Variants in TTLL7 observed in about 807,000 individuals in gnomAD.
TTLL7 encodes the protein tubulin tyrosine ligase like 7.
TTLL7 carries 53 observed loss-of-function variants against 120.2 expected under a neutral mutation model. The ratio of observed to expected loss-of-function variants is 0.44; its 90% CI spans 0.35 to 0.55. The LOEUF (loss-of-function observed/expected upper bound fraction) is 0.55. TTLL7 is among the 20% of genes least tolerant of loss of function. The probability of loss-of-function intolerance (pLI) is 0.00; values close to 1 mark genes in which losing one functional copy is unlikely to be tolerated. For missense variants in TTLL7, 803 were observed against 1,054.7 expected (o/e 0.76, Z 3.31); for synonymous variants, 353 against 351.7 (o/e 1.00, Z -0.04).
At chr1:83,968,162 C>T (rs1444216666) in intron 1 of TTLL7, among the ~76,000 whole-genome samples, 2 of 151,952 alleles carry the variant, frequency 1.3e-5, no homozygotes, top group Non-Finnish European at 2.9e-5. Flanking sequence ...CTTATAAAAA[C>T]AATAACAAAC....
At chr1:83,907,739 T>A (rs1430139173) in intron 15 of TTLL7, 78 bp from the exon 16 acceptor site, 2 of 1,294,744 alleles carry the variant, frequency 1.5e-6, no homozygotes, top group Admixed American at 4.1e-5. Context: ...CTATATAAAC[T>A]AAAGATTATA....
In TTLL7 at chr1:83,898,134, G is replaced by A. The variant is rs1377030864; in HGVS notation, c.2208+5945C>T. On this transcript the variant is annotated intron_variant, in intron 18 of 20. Transcript: ENST00000260505. Reference sequence around the variant, plus strand: ...TTGGATGCAGTTTCTAGCTTTATAAGACAATAGCACAAGTTTCTAACTGAT... The same window carrying A: ...TTGGATGCAGTTTCTAGCTTTATAAAACAATAGCACAAGTTTCTAACTGAT... Among the ~76,000 whole-genome samples the A allele has an allele frequency of 3.9e-5, 6 of 152,026 alleles. No homozygotes were observed. The South Asian group carries it at 1.2e-3, about 32-fold the overall frequency.
chr1:83,930,948 T>C (rs1276795807), intron 9 of TTLL7, among the ~76,000 whole-genome samples: 2 of 151,732 alleles, frequency 1.3e-5, no homozygotes, highest in Admixed American at 6.6e-5. Context: ...ATTAATAATA[T>C]GTGGAAAGGC....
At chr1:83,911,505 T>C (rs1657673598) in intron 14 of TTLL7, 142 bp from the exon 15 acceptor site, 2 of 674,882 alleles carry the variant, frequency 3.0e-6, no homozygotes, top group Non-Finnish European at 5.0e-6. Context: ...ATTGCTGCCA[T>C]GCTGCTTAGC....
intron 14 of TTLL7, among the ~76,000 whole-genome samples, chr1:83,913,546 C>A (rs191473338): frequency 6.6e-6 from 1 of 152,150 alleles, no homozygotes; most frequent in African/African-American, 2.4e-5. Context: ...GTGTGTGATA[C>A]CATCCCTCTA....
chr1:83,957,655 A>T (rs1571308303), intron 1 of TTLL7, among the ~76,000 whole-genome samples: 1 of 152,198 alleles, frequency 6.6e-6, no homozygotes, highest in Non-Finnish European at 1.5e-5. Context: ...CTATTAGAAG[A>T]AGTATGGGAA....
chr1:83,938,872 C>T (rs1201192812), intron 7 of TTLL7, among the ~76,000 whole-genome samples: 1 of 152,090 alleles, frequency 6.6e-6, no homozygotes, highest in Admixed American at 6.6e-5. Context: ...TTAAAATATA[C>T]TTCATTCACA....
rs1652936830 is a variant in TTLL7, at chr1:83,866,645, CA to C, written c.*3316del. The C allele has an allele frequency of 1.3e-5, 2 of 151,870 alleles. No homozygotes were observed. Among genetic ancestry groups the C allele is most frequent in the South Asian group, 4.1e-4 (2 of 4,828 alleles). The allele number at this position is 151,870 out of a possible 1,614,324, so 9.4% of individuals were successfully genotyped here. A position where few individuals can be genotyped will look rare whatever the true frequency, so the allele number is the denominator to read the frequency against. ...TTTGCATCTTACCGACAACCAAGGACATTCAACTATGTTCTAGGCAGAGTTA... is the reference window on the plus strand; with the variant it reads ...TTTGCATCTTACCGACAACCAAGGACTTCAACTATGTTCTAGGCAGAGTTA... On this transcript the variant is annotated 3_prime_UTR_variant, in exon 21 of 21. Coordinates refer to ENST00000260505, the MANE Select transcript of TTLL7 (RefSeq NM_024686.6).
At chr1:83,932,763 T>C (rs1360690078) in intron 9 of TTLL7, among the ~76,000 whole-genome samples, 1 of 152,162 alleles carries the variant, frequency 6.6e-6, no homozygotes, top group Non-Finnish European at 1.5e-5. Context: ...AAGGTAGTGG[T>C]TGACTACATC....
At chr1:83,945,617 C>T (rs57405973) in intron 6 of TTLL7, among the ~76,000 whole-genome samples, 2 of 152,142 alleles carry the variant, frequency 1.3e-5, no homozygotes, top group Non-Finnish European at 2.9e-5. Flanking sequence ...TACGTAGGTA[C>T]TACTGCATTA....
chr1:83,896,386 C>G (rs576605200), intron 18 of TTLL7, among the ~76,000 whole-genome samples: 4 of 152,146 alleles, frequency 2.6e-5, no homozygotes, highest in Admixed American at 2.6e-4. Context: ...ATAAAGCACA[C>G]AGACAAATTC....
chr1:83,914,858 T>C (rs76444935), intron 14 of TTLL7, among the ~76,000 whole-genome samples: 1,867 of 152,250 alleles, frequency 0.012, 36 homozygotes, highest in African/African-American at 0.043. Flanking sequence ...ATTTAACAAA[T>C]TGAACTAATG....
At chr1:83,962,821 G>A (rs1650125410) in intron 1 of TTLL7, among the ~76,000 whole-genome samples, 1 of 152,124 alleles carries the variant, frequency 6.6e-6, no homozygotes, top group African/African-American at 2.4e-5. Flanking sequence ...TAGCAATCCA[G>A]TGTGACATTG....
At chr1:83,927,876 A>G (rs920866475) in intron 10 of TTLL7, among the ~76,000 whole-genome samples, 4 of 152,192 alleles carry the variant, frequency 2.6e-5, no homozygotes, top group African/African-American at 4.8e-5. Flanking sequence ...AGTCTAACAC[A>G]TGCACCCATG....
intron 15 of TTLL7, among the ~76,000 whole-genome samples, chr1:83,910,073 T>TC (rs1657547124): frequency 6.6e-6 from 1 of 152,092 alleles, no homozygotes; most frequent in African/African-American, 2.4e-5. Flanking sequence ...TTAATTCCCC[T>TC]CCAAAGACAT....
In TTLL7 at chr1:83,869,988, A is replaced by G. The variant is rs369240164; in HGVS notation, c.2638T>C (p.Phe880Leu). ...CACAGATGGCCATATCTGGATGTAA[A>G]CAAAACATTGGAGCGAGTCATTCCA... is the stretch of plus-strand genomic sequence containing the variant. ...SPGMTRSNVLFTSRYGHL is the reference protein window; with the variant it reads ...SPGMTRSNVLLTSRYGHL Residue 880 changes from phenylalanine (F) to leucine (L), a missense_variant, in exon 21 of 21, where the codon TTT becomes CTT. Around this residue, in one of 3 missense-constraint regions of TTLL7, gnomAD observed 388 missense variants for 450.4 expected, o/e 0.86. Transcript: ENST00000260505. 6.3e-7 allele frequency: 1 copy of G among 1,596,310 alleles called. No homozygotes were observed. The highest frequency in any genetic ancestry group is 1.4e-5 in the African/African-American group (1 of 73,898).
chr1:83,995,325 G>A (rs1392627652), intron 1 of TTLL7, among the ~76,000 whole-genome samples: 3 of 151,548 alleles, frequency 2.0e-5, no homozygotes, highest in Non-Finnish European at 4.4e-5. Context: ...TTGGAGGTGG[G>A]GGTGGGAAAT....
intron 1 of TTLL7, among the ~76,000 whole-genome samples, chr1:83,966,999 T>C (rs968483750): frequency 2.6e-5 from 4 of 152,108 alleles, no homozygotes; most frequent in African/African-American, 9.7e-5. Flanking sequence ...GTGAAGAAGT[T>C]TACAGAATGC....
intron 7 of TTLL7, 103 bp downstream of exon 7, chr1:83,942,360 G>A: frequency 1.1e-6 from 1 of 920,096 alleles, no homozygotes; most frequent in Non-Finnish European, 1.6e-6. Flanking sequence ...AAAAACCTGA[G>A]AGGAGCAACT....
Sources: gnomAD v4.1 joint callset for allele counts (sites outside exome capture counted in the v4.1 genomes callset) on GRCh38, gnomAD v4.1.1 for gene constraint, gnomAD v4.1.1 regional missense constraint, MANE v1.5 for transcripts, NCBI Gene and HGNC (gene_info 2026-07-23, HGNC 2026-07-21) for gene names.